The following MBNL1 variants were observed in gnomAD, a reference collection of about 807,000 sequenced individuals.
MBNL1 encodes muscleblind-like protein 1.
MBNL1 carries 8 observed loss-of-function variants against 42.2 expected under a neutral mutation model. That is an observed-to-expected ratio of 0.19 (90% CI 0.11 to 0.34). MBNL1 has a LOEUF of 0.34. MBNL1 is among the 10% of genes least tolerant of loss of function. The pLI, the probability that MBNL1 is intolerant of heterozygous loss-of-function variation, is 1.00. For missense variants in MBNL1, 309 were observed against 495.3 expected (o/e 0.62, Z 3.57); for synonymous variants, 169 against 173.9 (o/e 0.97, Z 0.22).
chr3:152,435,555 GT>G (rs941045993), intron 4 of MBNL1, among the ~76,000 whole-genome samples: 2 of 151,792 alleles, frequency 1.3e-5, no homozygotes, highest in African/African-American at 2.4e-5. Context: ...TTTTTAAATA[GT>G]TTTTTTTCTA....
chr3:152,264,496 C>T (rs1447232134), upstream of MBNL1: 1 of 151,710 alleles, frequency 6.6e-6, no homozygotes, highest in Admixed American at 6.6e-5. Context: ...TCTTCTTGTC[C>T]TTATTGTCTT....
Position 152,300,247 on chromosome 3 carries a change from A to G in MBNL1, c.54A>G (p.Val18=), listed in dbSNP as rs1454366444. 10 of 1,613,758 alleles carry G rather than the reference A, an allele frequency of 6.2e-6. No individual in the cohort carries two copies. The South Asian group carries it at 1.1e-4, about 18-fold the overall frequency. The change falls in exon 2 of 10, where the codon GTA becomes GTG. Residue 18 remains valine (V), a synonymous_variant. Transcript: ENST00000324210. ...IRDTKWLTLE[V]CREFQRGTCS... The stretch of plus-strand genomic sequence containing the variant: ...ACACAAAATGGCTAACACTGGAAGT[A>G]TGTAGAGAGTTCCAGAGGGGGACTT...
intron 1 of MBNL1, among the ~76,000 whole-genome samples, chr3:152,284,601 G>C (rs1015645189): frequency 2.6e-5 from 4 of 152,034 alleles, no homozygotes; most frequent in Non-Finnish European, 4.4e-5. Context: ...GCACCACCCT[G>C]ATAAAAAATT....
chr3:152,332,169 C>T (rs371880802), intron 2 of MBNL1, among the ~76,000 whole-genome samples: 3 of 152,148 alleles, frequency 2.0e-5, no homozygotes, highest in Admixed American at 1.3e-4. Context: ...ATAAAAGAGT[C>T]ATGATTCCTC....
At chr3:152,450,370 CA>C (rs1257208837) in intron 6 of MBNL1, among the ~76,000 whole-genome samples, 1 of 152,016 alleles carries the variant, frequency 6.6e-6, no homozygotes, top group African/African-American at 2.4e-5. Flanking sequence ...GACGCTGTGG[CA>C]TGAAAAGGTT....
intron 4 of MBNL1, among the ~76,000 whole-genome samples, chr3:152,435,208 A>T (rs2099062360): frequency 6.6e-6 from 1 of 151,926 alleles, no homozygotes; most frequent in Non-Finnish European, 1.5e-5. Flanking sequence ...TCTTGAGTTG[A>T]TTTTTGTATA....
At chr3:152,253,006 G>A (rs1181858289) in intron 2 of MBNL1, among the ~76,000 whole-genome samples, 2 of 152,022 alleles carry the variant, frequency 1.3e-5, no homozygotes, top group African/African-American at 4.8e-5. Flanking sequence ...ACTGACTGTG[G>A]ATCTTGTATA....
At chr3:152,392,938 G>A (rs1417952287) in intron 2 of MBNL1, among the ~76,000 whole-genome samples, 2 of 152,194 alleles carry the variant, frequency 1.3e-5, no homozygotes, top group African/African-American at 2.4e-5. Context: ...CAGATGGCTA[G>A]TTGAATTTTC....
intron 2 of MBNL1, among the ~76,000 whole-genome samples, chr3:152,252,911 G>T (rs752562073): frequency 1.3e-5 from 2 of 152,022 alleles, no homozygotes; most frequent in African/African-American, 4.8e-5. Context: ...ATTCATAACT[G>T]AAAATAAACC....
intron 4 of MBNL1, among the ~76,000 whole-genome samples, chr3:152,433,575 C>T (rs938165608): frequency 1.3e-5 from 2 of 151,736 alleles, no homozygotes; most frequent in African/African-American, 4.8e-5. Context: ...ACGGTGAAAC[C>T]CCATCTCTAC....
chr3:152,300,951 C>T, intron 2 of MBNL1: 1 of 981,068 alleles, frequency 1.0e-6, no homozygotes, highest in Non-Finnish European at 1.2e-6. Flanking sequence ...AGCACCTTAC[C>T]TGAGGCACAA....
intron 2 of MBNL1, among the ~76,000 whole-genome samples, chr3:152,397,014 T>G (rs570997873): frequency 1.2e-4 from 19 of 152,288 alleles, no homozygotes; most frequent in Middle Eastern, 3.4e-3. Context: ...ACACTCATGG[T>G]AAGTAGTAAG....
At chr3:152,312,191 CAAA>C (rs34750394) in intron 2 of MBNL1, among the ~76,000 whole-genome samples, 4 of 47,510 alleles carry the variant, frequency 8.4e-5, no homozygotes, top group African/African-American at 2.5e-4. Context: ...GACTCCGTCT[CAAA>C]AAAAAAAAAA....
chr3:152,353,418 C>T (rs1241591631), intron 2 of MBNL1, among the ~76,000 whole-genome samples: 1 of 152,112 alleles, frequency 6.6e-6, no homozygotes, highest in East Asian at 1.9e-4. Context: ...GAAAAGGTTG[C>T]CTTTTAGAGT....
chr3:152,294,269 AG>A (rs2057499965), intron 1 of MBNL1, among the ~76,000 whole-genome samples: 1 of 149,438 alleles, frequency 6.7e-6, no homozygotes, highest in African/African-American at 2.5e-5. Flanking sequence ...CAGATTTTAA[AG>A]TTTGATTCTT....
chr3:152,295,808 C>T (rs974980140), intron 1 of MBNL1, among the ~76,000 whole-genome samples: 3 of 152,134 alleles, frequency 2.0e-5, no homozygotes, highest in African/African-American at 7.2e-5. Context: ...TGTAACAAGT[C>T]CCAGGAGCTC....
At chr3:152,420,698 G>A (rs758374015) in intron 3 of MBNL1, among the ~76,000 whole-genome samples, 14 of 152,194 alleles carry the variant, frequency 9.2e-5, no homozygotes, top group Non-Finnish European at 1.8e-4. Context: ...CCAAAAACCA[G>A]ATTGCCTCTT....
At chr3:152,343,334 A>C (rs1344616974) in intron 2 of MBNL1, among the ~76,000 whole-genome samples, 1 of 152,156 alleles carries the variant, frequency 6.6e-6, no homozygotes, top group Non-Finnish European at 1.5e-5. Flanking sequence ...AGTTACCTGG[A>C]CTGAGTTGAA....
At chr3:152,439,974 G>A (rs976092215) in intron 4 of MBNL1, among the ~76,000 whole-genome samples, 7 of 152,124 alleles carry the variant, frequency 4.6e-5, no homozygotes, top group African/African-American at 1.2e-4. Context: ...AGTCATTCAT[G>A]GGAATGAATA....
Sources: allele counts gnomAD v4.1 joint callset (sites outside exome capture counted in the v4.1 genomes callset), GRCh38; gene constraint gnomAD v4.1.1; transcripts MANE v1.5; gene names NCBI Gene and HGNC (gene_info 2026-07-23, HGNC 2026-07-21).